ARL15: variants seen among roughly 807,000 people sequenced by gnomAD.
ARL15 encodes the protein ADP-ribosylation factor-like protein 15.
Under a neutral mutation model 25.2 loss-of-function variants are expected in ARL15, and 19 were observed. The ratio of observed to expected loss-of-function variants is 0.75; its 90% confidence interval spans 0.53 to 1.10. The LOEUF (loss-of-function observed/expected upper bound fraction) is 1.10. ARL15 is among the 50% of genes least tolerant of loss of function. The probability of loss-of-function intolerance (pLI) is 0.00; values close to 1 mark genes in which losing one functional copy is unlikely to be tolerated. For synonymous variants in ARL15, 94 were observed against 86.8 expected, an observed-to-expected ratio of 1.08 and a Z score of -0.46; for missense variants, 220 against 246.0, an observed-to-expected ratio of 0.89 and a Z score of 0.71.
At chr5:54,215,342 A>G (rs1009521686) in intron 1 of ARL15, among the ~76,000 whole-genome samples, 1 of 152,150 alleles carries the variant, frequency 6.6e-6, no homozygotes, top group Non-Finnish European at 1.5e-5. Context: ...TAAATCTGAC[A>G]AACGCTAATT....
chr5:54,053,214 T>A (rs528485486), intron 4 of ARL15, among the ~76,000 whole-genome samples: 81 of 151,712 alleles, frequency 5.3e-4, no homozygotes, highest in African/African-American at 1.9e-3. Flanking sequence ...ATGGCAAAAC[T>A]GCATCTCCAA....
chr5:54,087,626 T>C (rs1752012562), intron 4 of ARL15, among the ~76,000 whole-genome samples: 1 of 152,162 alleles, frequency 6.6e-6, no homozygotes, highest in Middle Eastern at 3.2e-3. Flanking sequence ...ATGTGACTGT[T>C]AAAATATAAA....
intron 4 of ARL15, among the ~76,000 whole-genome samples, chr5:53,991,561 A>AGGG (rs150250231): frequency 6.5e-5 from 6 of 92,040 alleles, no homozygotes; most frequent in Non-Finnish European, 6.6e-5. Flanking sequence ...AAAAAAAAAA[A>AGGG]GGGGGGGCGG....
At chr5:53,938,625 A>G (rs1344490768) in intron 4 of ARL15, among the ~76,000 whole-genome samples, 4 of 152,206 alleles carry the variant, frequency 2.6e-5, no homozygotes, top group African/African-American at 7.2e-5. Context: ...CAGGAGTTCG[A>G]GACCAGCCTG....
Position 54,272,107 on chromosome 5 carries a change from C to CTTTTTTTTT in ARL15, c.48+38316_48+38324dup, listed in dbSNP as rs34592464. 2.7e-4 allele frequency among the ~76,000 whole-genome samples: 10 copies of CTTTTTTTTT among 36,750 alleles called. 2 individuals are homozygous for CTTTTTTTTT. The highest frequency in any genetic ancestry group is 5.0e-4 in the Non-Finnish European group (9 of 18,018). The allele number at this position is 36,750 out of a possible 152,430, so 24.1% of individuals were successfully genotyped here. The stretch of plus-strand genomic sequence containing the variant: ...TATAGGTGTGTGCCACCACTCCTGG[C>CTTTTTTTTT]TTTTTTTTTTTTTTTTTTTTTTTTT... On this transcript the variant is annotated intron_variant, in intron 1 of 4. Coordinates refer to ENST00000504924, the MANE Select transcript of ARL15 (RefSeq NM_019087.3).
Position 53,885,565 on chromosome 5 carries a change from A to G in ARL15, c.*996T>C, listed in dbSNP as rs1216557789. 6.6e-6 allele frequency: 1 copy of G among 152,638 alleles called. No individual in the cohort carries two copies. The highest frequency in any genetic ancestry group is 2.1e-4 in the South Asian group (1 of 4,832). 9.5% of individuals were successfully genotyped at this position (152,638 alleles called of 1,614,324 possible). ...GAGGAAGGCATTAACAGATTCCAAT[A>G]AACTACAGTAACACGTAATGAATGA... On this transcript the variant is annotated 3_prime_UTR_variant, in exon 5 of 5. Coordinates refer to ENST00000504924, the MANE Select transcript of ARL15 (RefSeq NM_019087.3).
At chr5:53,980,459 C>T (rs180765225) in intron 4 of ARL15, among the ~76,000 whole-genome samples, 9 of 152,242 alleles carry the variant, frequency 5.9e-5, no homozygotes, top group African/African-American at 1.9e-4. Flanking sequence ...ACTTTAGGCC[C>T]CAATTTTAAG....
chr5:54,261,368 C>T (rs913678759), intron 1 of ARL15, among the ~76,000 whole-genome samples: 2 of 152,086 alleles, frequency 1.3e-5, no homozygotes, highest in South Asian at 2.1e-4. Context: ...GTATCTCACC[C>T]GGCTCAAATA....
At chr5:54,257,189 T>A (rs1278448357) in intron 1 of ARL15, among the ~76,000 whole-genome samples, 1 of 152,100 alleles carries the variant, frequency 6.6e-6, no homozygotes, top group Non-Finnish European at 1.5e-5. Context: ...AAAGTCTCAA[T>A]TTACCAAATC....
chr5:53,917,819 G>T (rs937324697), intron 4 of ARL15, among the ~76,000 whole-genome samples: 4 of 151,736 alleles, frequency 2.6e-5, no homozygotes, highest in African/African-American at 9.7e-5. Context: ...AGGGGTAAAG[G>T]GGGCCCTTTT....
At chr5:53,956,010 T>G (rs1747137571) in intron 4 of ARL15, among the ~76,000 whole-genome samples, 1 of 152,060 alleles carries the variant, frequency 6.6e-6, no homozygotes, top group Non-Finnish European at 1.5e-5. Flanking sequence ...TGTCGTTGTT[T>G]TGAGAAAACA....
In ARL15 at chr5:53,947,943, C is replaced by T. The variant is rs138248815; in HGVS notation, c.463-61230G>A. ...CTCTCCACCTTCCTCCAAAAATCTCCGTGAGTGCATTACACTACAAGATTA... is the reference window on the plus strand; with the variant it reads ...CTCTCCACCTTCCTCCAAAAATCTCTGTGAGTGCATTACACTACAAGATTA... On this transcript the variant is annotated intron_variant, in intron 4 of 4. Transcript: ENST00000504924. 4.5e-3 allele frequency among the ~76,000 whole-genome samples: 683 copies of T among 152,056 alleles called. 7 individuals are homozygous for T. Among genetic ancestry groups the T allele is most frequent in the African/African-American group, 0.016 (653 of 41,478 alleles).
chr5:54,199,436 C>T (rs911676168), intron 1 of ARL15, among the ~76,000 whole-genome samples: 1 of 151,436 alleles, frequency 6.6e-6, no homozygotes, highest in South Asian at 2.1e-4. Context: ...ACAATGAACT[C>T]TAACAAATTT....
At chr5:54,239,165 C>A (rs1367673584) in intron 1 of ARL15, among the ~76,000 whole-genome samples, 1 of 151,752 alleles carries the variant, frequency 6.6e-6, no homozygotes, top group Non-Finnish European at 1.5e-5. Flanking sequence ...AGCTGTACAA[C>A]TATTAATAGA....
chr5:54,095,784 G>A (rs977643849), intron 4 of ARL15, among the ~76,000 whole-genome samples: 1 of 151,458 alleles, frequency 6.6e-6, no homozygotes, highest in Non-Finnish European at 1.5e-5. Flanking sequence ...TCTGCAAAAT[G>A]GCAACTGGGG....
chr5:54,244,033 C>T (rs1002988686), intron 1 of ARL15, among the ~76,000 whole-genome samples: 1 of 152,148 alleles, frequency 6.6e-6, no homozygotes, highest in Admixed American at 6.5e-5. Flanking sequence ...AGATTTTAGA[C>T]AAGTCATCTT....
chr5:54,000,378 G>A (rs1217152254), intron 4 of ARL15, among the ~76,000 whole-genome samples: 1 of 152,112 alleles, frequency 6.6e-6, no homozygotes. Flanking sequence ...CTGCAATAAC[G>A]CCTGGATAGA....
intron 4 of ARL15, among the ~76,000 whole-genome samples, chr5:54,093,873 G>C (rs1485730477): frequency 1.3e-5 from 2 of 152,136 alleles, no homozygotes; most frequent in African/African-American, 4.8e-5. Flanking sequence ...TGAATATCAA[G>C]GATCTGCTAT....
At chr5:54,261,327 T>A (rs192060603) in intron 1 of ARL15, among the ~76,000 whole-genome samples, 335 of 152,294 alleles carry the variant, frequency 2.2e-3, no homozygotes, top group Admixed American at 6.5e-3. Context: ...AGTTGAACCA[T>A]GGGAATTCAC....
Sources: allele counts gnomAD v4.1 joint callset (sites outside exome capture counted in the v4.1 genomes callset), GRCh38; gene constraint gnomAD v4.1.1; transcripts MANE v1.5; gene names NCBI Gene and HGNC (gene_info 2026-07-23, HGNC 2026-07-21).